ABCA6: variants seen among roughly 807,000 people sequenced by gnomAD.
The protein encoded by ABCA6 is ATP binding cassette subfamily A member 6, also known as ATP-binding cassette sub-family A member 6.
A neutral mutation model predicts 191.2 loss-of-function variants in ABCA6; 164 were observed. The ratio of observed to expected loss-of-function variants is 0.86; its 90% CI spans 0.76 to 0.98. ABCA6 has a LOEUF of 0.98. Ranked by LOEUF, ABCA6 falls within the 50% of genes least tolerant of loss-of-function variation. The probability of loss-of-function intolerance (pLI) is 0.00; values close to 1 mark genes in which losing one functional copy is unlikely to be tolerated. For synonymous variants in ABCA6, 636 were observed against 647.7 expected (o/e 0.98, Z 0.27); for missense variants, 1,958 against 1,894.1 (o/e 1.03, Z -0.63).
chr17:69,095,033 A>G, intron 25 of ABCA6: 1 of 167,710 alleles, frequency 6.0e-6, no homozygotes, highest in Admixed American at 5.8e-5. Context: ...TCAGAGCTAA[A>G]ACTACTGGCA....
At chr17:69,081,170 C>T (rs2072625201) in intron 36 of ABCA6, 25 bp from the exon 37 acceptor site, 4 of 1,372,102 alleles carry the variant, frequency 2.9e-6, no homozygotes, top group Non-Finnish European at 4.1e-6. Flanking sequence ...ATGTCGTTTT[C>T]AGCTCTGAGT....
chr17:69,116,868 C>A (rs1282161384), intron 11 of ABCA6, among the ~76,000 whole-genome samples: 1 of 151,972 alleles, frequency 6.6e-6, no homozygotes, highest in African/African-American at 2.4e-5. Context: ...TGTTGATGTC[C>A]AATGCTTTTA....
chr17:69,115,149 A>G (rs1036818464), intron 12 of ABCA6, among the ~76,000 whole-genome samples: 1 of 152,176 alleles, frequency 6.6e-6, no homozygotes, highest in Non-Finnish European at 1.5e-5. Flanking sequence ...ATATGCTTAT[A>G]GAACTGCACA....
At chr17:69,107,666 G>A (rs1018323413) in intron 18 of ABCA6, 30 bp downstream of exon 18, 1 of 1,421,720 alleles carries the variant, frequency 7.0e-7, no homozygotes, top group Non-Finnish European at 9.8e-7. Context: ...TTGGGAATTG[G>A]TTTTCTGTGA....
intron 11 of ABCA6, among the ~76,000 whole-genome samples, chr17:69,116,331 C>T (rs761239803): frequency 6.6e-6 from 1 of 152,068 alleles, no homozygotes; most frequent in African/African-American, 2.4e-5. Flanking sequence ...AATCACTTAG[C>T]ATAGTTTCCC....
chr17:69,105,475 G>A lies in ABCA6; in HGVS notation c.2727C>T (p.Ile909=). 1 of 1,603,014 alleles carries A rather than the reference G, an allele frequency of 6.2e-7. No homozygotes were observed. Among genetic ancestry groups the A allele is most frequent in the Non-Finnish European group, 8.5e-7 (1 of 1,177,398 alleles). ...TTTTCTTTTCACCTGTGTTATTGAT[G>A]ATCAACAGGCTGGTACGGGGTTCCT... ...LPQEPRTSLL[I]INNTESNIED... Residue 909 remains isoleucine (I), a synonymous_variant, in exon 20 of 39, where the codon ATC becomes ATT. Transcript: ENST00000284425.
rs1043193671 is a variant in ABCA6 at position 69,112,437 on chromosome 17, G to A, written c.2042-164C>T. On this transcript the variant is annotated intron_variant, in intron 15 of 38. Coordinates refer to ENST00000284425, the MANE Select transcript of ABCA6 (RefSeq NM_080284.3). ...AACATTTGAAATACATATTAAAATT[G>A]ATGCATTTAAAATGAACTCATGATA... is the stretch of plus-strand genomic sequence containing the variant. 2.4e-5 allele frequency: 13 copies of A among 542,474 alleles called. No homozygotes were observed. The East Asian group carries it at 3.8e-4, about 16-fold the overall frequency. The allele number at this position is 542,474 out of a possible 1,614,324, so 33.6% of individuals were successfully genotyped here. A position where few individuals can be genotyped will look rare whatever the true frequency, so the allele number is the denominator to read the frequency against.
chr17:69,139,647 T>C (rs1433801663), intron 2 of ABCA6, among the ~76,000 whole-genome samples: 1 of 152,086 alleles, frequency 6.6e-6, no homozygotes, highest in African/African-American at 2.4e-5. Context: ...CACATGCACA[T>C]GTATGTTTAC....
chr17:69,089,782 T>A (rs917886304), intron 26 of ABCA6, among the ~76,000 whole-genome samples: 1 of 152,168 alleles, frequency 6.6e-6, no homozygotes, highest in South Asian at 2.1e-4. Context: ...TTTAAAAAAA[T>A]TTGGTTTTAA....
chr17:69,106,356 A>C (rs9303011), intron 18 of ABCA6, 145 bp from the exon 19 acceptor site: 1 of 741,812 alleles, frequency 1.3e-6, no homozygotes, highest in East Asian at 3.1e-5. Context: ...ACTCTGGGAG[A>C]CCAAGGTGGG....
In ABCA6 at chr17:69,083,279, TG is replaced by T. The variant is rs1304413103; in HGVS notation, c.4407del (p.Thr1470ProfsTer31). ...GCTTCCGCCTCAGCCAGGTTATGGG[TG>T]GTCAGGAGGACACCTCTCTCTGTGT... Reference protein sequence around the residue: ...VKNTERGVLLTTHNLAEAEAL... With the variant: ...VKNTERGVLLXTHNLAEAEAL... On this transcript the variant is annotated frameshift_variant, in exon 35 of 39. Transcript: ENST00000284425. LOFTEE classifies it high-confidence loss of function. The T allele has an allele frequency of 2.3e-5, 37 of 1,609,410 alleles. No homozygotes were observed. The highest frequency in any genetic ancestry group is 3.0e-5 in the Non-Finnish European group (35 of 1,178,756).
At chr17:69,140,343 A>G (rs897272735) in intron 2 of ABCA6, among the ~76,000 whole-genome samples, 2 of 152,132 alleles carry the variant, frequency 1.3e-5, no homozygotes, top group African/African-American at 2.4e-5. Context: ...CTCTAAGTGT[A>G]TAACATTTGG....
intron 17 of ABCA6, chr17:69,108,568 T>C (rs921512730): frequency 1.3e-5 from 2 of 152,242 alleles, no homozygotes; most frequent in African/African-American, 4.8e-5. Flanking sequence ...TTCTAGTTCC[T>C]GGAGCAGTGC....
intron 25 of ABCA6, 69 bp from the exon 26 acceptor site, chr17:69,091,331 G>A (rs1341515712): frequency 1.3e-6 from 2 of 1,532,350 alleles, no homozygotes; most frequent in Non-Finnish European, 1.8e-6. Flanking sequence ...AAACATTTAA[G>A]ATGCAGGTGT....
At chr17:69,100,012 C>A (rs16973567) in intron 22 of ABCA6, among the ~76,000 whole-genome samples, 2 of 152,088 alleles carry the variant, frequency 1.3e-5, no homozygotes, top group Non-Finnish European at 1.5e-5. Context: ...CTTTGAGACA[C>A]CCCTGTTGGT....
At chr17:69,129,974 A>G (rs2073833205) in intron 6 of ABCA6, among the ~76,000 whole-genome samples, 2 of 152,044 alleles carry the variant, frequency 1.3e-5, no homozygotes, top group Admixed American at 6.6e-5. Flanking sequence ...CCATATATGC[A>G]TACAGAGATG....
At chr17:69,096,153 G>T in intron 25 of ABCA6, 87 bp downstream of exon 25, 1 of 566,942 alleles carries the variant, frequency 1.8e-6, no homozygotes, top group Non-Finnish European at 2.7e-6. Flanking sequence ...TTTCCCTACT[G>T]TCTTAAGGCA....
chr17:69,087,463 G>A lies in ABCA6; in HGVS notation c.3709C>T (p.Gln1237Ter). Residue 1237 changes from glutamine (Q) to a stop codon, truncating the protein, a stop_gained, in exon 29 of 39, where the codon CAA becomes TAA. Transcript: ENST00000284425. LOFTEE classifies it high-confidence loss of function. ...GGATTTGGCTTAGCATCTCTACTTT[G>A]GGGGGAAATTCTATGGAGAAAATGA... ...RKDPVFRISP[Q>*]SRDAKPNPEE... 1 of 1,613,510 alleles carries A rather than the reference G, an allele frequency of 6.2e-7. No individual in the cohort carries two copies. Among genetic ancestry groups the A allele is most frequent in the East Asian group, 2.2e-5 (1 of 44,826 alleles).
intron 20 of ABCA6, chr17:69,104,290 A>G (rs2073243102): frequency 6.6e-6 from 1 of 152,180 alleles, no homozygotes; most frequent in Admixed American, 6.5e-5. Context: ...TGCCCTCAAG[A>G]GTGACCAAAG....
Sources: allele counts gnomAD v4.1 joint callset (sites outside exome capture counted in the v4.1 genomes callset), GRCh38; gene constraint gnomAD v4.1.1; transcripts MANE v1.5; gene names NCBI Gene and HGNC (gene_info 2026-07-23, HGNC 2026-07-21).